Variants in RBFOX1 observed in about 807,000 individuals in gnomAD.
RBFOX1 encodes RNA binding fox-1 homolog 1.
Under a neutral mutation model 57.7 loss-of-function variants are expected in RBFOX1, and 8 were observed. The ratio of observed to expected loss-of-function variants is 0.14; its 90% CI spans 0.08 to 0.25. RBFOX1 has a LOEUF of 0.25. Ranked by LOEUF, RBFOX1 falls within the 10% of genes least tolerant of loss-of-function variation. RBFOX1 has a pLI of 1.00. For missense variants in RBFOX1, 611 were observed against 548.5 expected (o/e 1.11, Z -1.14); for synonymous variants, 326 against 222.4 (o/e 1.47, Z -4.15).
intron 4 of RBFOX1, among the ~76,000 whole-genome samples, chr16:7,092,610 C>T (rs886085635): frequency 6.6e-6 from 1 of 152,160 alleles, no homozygotes; most frequent in Admixed American, 6.5e-5. Flanking sequence ...TGAATGCATT[C>T]ACTAATCATA....
chr16:6,887,186 C>G (rs146460312), intron 3 of RBFOX1, among the ~76,000 whole-genome samples: 14 of 152,280 alleles, frequency 9.2e-5, no homozygotes, highest in Middle Eastern at 6.8e-3. Context: ...CTCTTTAGCA[C>G]TTCTTCCTCC....
At chr16:6,583,821 C>T (rs4624174) in intron 2 of RBFOX1, among the ~76,000 whole-genome samples, 66,309 of 151,924 alleles carry the variant, frequency 0.44, 16,201 homozygotes, top group East Asian at 0.67. Context: ...TCATTCCCAG[C>T]TTGTTTTATT....
intron 4 of RBFOX1, among the ~76,000 whole-genome samples, chr16:5,942,759 A>G (rs1037672297): frequency 1.3e-5 from 2 of 152,184 alleles, no homozygotes; most frequent in Non-Finnish European, 2.9e-5. Context: ...AGTTGGTTAG[A>G]TCAGATCTCT....
At chr16:6,994,209 A>G (rs2153617171) in intron 3 of RBFOX1, among the ~76,000 whole-genome samples, 1 of 152,262 alleles carries the variant, frequency 6.6e-6, no homozygotes, top group South Asian at 2.1e-4. Flanking sequence ...AGAAGGAGGA[A>G]AACACTGCAG....
chr16:6,940,932 C>G (rs776607856), intron 3 of RBFOX1, among the ~76,000 whole-genome samples: 27 of 151,234 alleles, frequency 1.8e-4, no homozygotes, highest in Admixed American at 3.3e-4. Flanking sequence ...TGGTTTCGAT[C>G]TCCTGACCTC....
chr16:6,628,109 C>T (rs967350902), intron 2 of RBFOX1, among the ~76,000 whole-genome samples: 1 of 152,186 alleles, frequency 6.6e-6, no homozygotes, highest in Non-Finnish European at 1.5e-5. Context: ...CAAAGTTTTT[C>T]CACTTCGCAG....
chr16:7,179,547 A>G lies in RBFOX1; in HGVS notation c.27+127449A>G, dbSNP rs531696933. Among the ~76,000 whole-genome samples the G allele has an allele frequency of 4.6e-5, 7 of 152,120 alleles. No homozygotes were observed. The East Asian group carries it at 1.4e-3, about 29-fold the overall frequency. ...GCTGTTAGACCTGTTAGGTGTTGGC[A>G]TTTCCATTTTGTCAGACATTTTAAA... is the stretch of plus-strand genomic sequence containing the variant. On this transcript the variant is annotated intron_variant, in intron 4 of 15. Coordinates refer to ENST00000550418, the MANE Select transcript of RBFOX1 (RefSeq NM_018723.4).
intron 1 of RBFOX1, among the ~76,000 whole-genome samples, chr16:6,223,292 GT>G (rs1454362111): frequency 1.3e-5 from 2 of 150,718 alleles, no homozygotes; most frequent in Non-Finnish European, 3.0e-5. Context: ...TTCCACAATG[GT>G]TGAACTAGTT....
At chr16:5,505,861 C>T (rs1032653521) in intron 2 of RBFOX1, among the ~76,000 whole-genome samples, 76 of 152,132 alleles carry the variant, frequency 5.0e-4, no homozygotes, top group African/African-American at 1.7e-3. Context: ...AGGGATGAAG[C>T]CTCACCCTGC....
chr16:7,446,389 A>C (rs1412920440), intron 4 of RBFOX1, among the ~76,000 whole-genome samples: 1 of 152,220 alleles, frequency 6.6e-6, no homozygotes, highest in Non-Finnish European at 1.5e-5. Flanking sequence ...GAAGTAGAAC[A>C]AGGAGGCCAT....
chr16:6,631,464 G>A (rs1384952182), intron 2 of RBFOX1, among the ~76,000 whole-genome samples: 4 of 151,968 alleles, frequency 2.6e-5, no homozygotes. Flanking sequence ...GTAGCAACGT[G>A]TGTAAAAAGC....
Position 5,380,571 on chromosome 16 carries a change from A to G in RBFOX1, c.220-86645A>G, listed in dbSNP as rs74814926. Among the ~76,000 whole-genome samples, 1,182 of 152,358 alleles carry G rather than the reference A, an allele frequency of 7.8e-3. 18 individuals are homozygous for G. The highest frequency in any genetic ancestry group is 0.026 in the African/African-American group (1,095 of 41,580). On this transcript the variant is annotated intron_variant, in intron 1 of 2. Transcript: ENST00000585867. ...AGGACTTACCTTTGGGGACAAGACT[A>G]GGGTGTGAAAGCATTGCTAATTCCC... is the stretch of plus-strand genomic sequence containing the variant.
chr16:7,625,382 G>A (rs911018956), intron 10 of RBFOX1, among the ~76,000 whole-genome samples: 1 of 151,994 alleles, frequency 6.6e-6, no homozygotes, highest in Non-Finnish European at 1.5e-5. Flanking sequence ...TCTTATTACA[G>A]GAAAATTTCC....
intron 4 of RBFOX1, among the ~76,000 whole-genome samples, chr16:7,123,778 T>C (rs1402806187): frequency 4.6e-5 from 7 of 152,230 alleles, no homozygotes; most frequent in Admixed American, 4.6e-4. Flanking sequence ...AGATTACTAA[T>C]AATTTATAAA....
At chr16:5,752,071 A>G (rs973353708) in intron 3 of RBFOX1, among the ~76,000 whole-genome samples, 1 of 152,216 alleles carries the variant, frequency 6.6e-6, no homozygotes. Flanking sequence ...TGCATATACC[A>G]TGCAATACTA....
chr16:7,002,586 C>T (rs2092922124), intron 3 of RBFOX1, among the ~76,000 whole-genome samples: 1 of 152,050 alleles, frequency 6.6e-6, no homozygotes, highest in South Asian at 2.1e-4. Flanking sequence ...GTGGCATGCA[C>T]ATGTCATCCC....
intron 3 of RBFOX1, among the ~76,000 whole-genome samples, chr16:7,009,795 T>A (rs1025602581): frequency 6.6e-6 from 1 of 152,200 alleles, no homozygotes; most frequent in Non-Finnish European, 1.5e-5. Flanking sequence ...CTGCTTGCCT[T>A]GTGAAAAATA....
At chr16:6,979,950 G>A (rs939575593) in intron 3 of RBFOX1, among the ~76,000 whole-genome samples, 2 of 152,132 alleles carry the variant, frequency 1.3e-5, no homozygotes, top group Non-Finnish European at 2.9e-5. Flanking sequence ...GGTCTCTGGG[G>A]AAGCTTTCAT....
At chr16:7,328,448 C>G (rs9937785) in intron 4 of RBFOX1, among the ~76,000 whole-genome samples, 3 of 131,078 alleles carry the variant, frequency 2.3e-5, no homozygotes, top group African/African-American at 6.1e-5. Context: ...CCATTGCACT[C>G]TAGCCTGGGA....
Sources: allele counts gnomAD v4.1 joint callset (sites outside exome capture counted in the v4.1 genomes callset), GRCh38; gene constraint gnomAD v4.1.1; transcripts MANE v1.5; gene names NCBI Gene and HGNC (gene_info 2026-07-23, HGNC 2026-07-21).